The following DGKB variants were observed in gnomAD, a reference collection of about 807,000 sequenced individuals.
The protein encoded by DGKB is 90 kDa diacylglycerol kinase.
A neutral mutation model predicts 114.3 loss-of-function variants in DGKB; 67 were observed. The ratio of observed to expected loss-of-function variants is 0.59; its 90% CI spans 0.48 to 0.72. DGKB has a LOEUF of 0.72. DGKB is among the 30% of genes least tolerant of loss of function. DGKB has a pLI of 0.00. For synonymous variants in DGKB, 398 were observed against 323.1 expected, an observed-to-expected ratio of 1.23 and a Z score of -2.49; for missense variants, 907 against 975.2, an observed-to-expected ratio of 0.93 and a Z score of 0.93.
intron 23 of DGKB, among the ~76,000 whole-genome samples, chr7:14,331,068 ATATT>A (rs1371440933): frequency 1.3e-5 from 2 of 151,962 alleles, no homozygotes; most frequent in Non-Finnish European, 2.9e-5. Context: ...AGCAATTTTG[ATATT>A]TAGTCTTATT....
chr7:14,531,844 A>G (rs958667701), intron 20 of DGKB, among the ~76,000 whole-genome samples: 1 of 151,420 alleles, frequency 6.6e-6, no homozygotes, highest in Non-Finnish European at 1.5e-5. Context: ...ATATAAATAA[A>G]TGAAAAATTA....
intron 21 of DGKB, among the ~76,000 whole-genome samples, chr7:14,352,065 A>G (rs1813545310): frequency 6.6e-6 from 1 of 152,184 alleles, no homozygotes; most frequent in African/African-American, 2.4e-5. Flanking sequence ...ATGACAGATA[A>G]AAATGCTTGT....
At chr7:14,892,133 G>T (rs1487973117) in intron 1 of DGKB, among the ~76,000 whole-genome samples, 1 of 151,224 alleles carries the variant, frequency 6.6e-6, no homozygotes, top group East Asian at 1.9e-4. Context: ...AAAATGAGGT[G>T]GGTCAAGCTA....
chr7:14,640,414 G>A lies in DGKB; in HGVS notation c.1135-10146C>T, dbSNP rs556278453. Among the ~76,000 whole-genome samples, 9 of 152,298 alleles carry A rather than the reference G, an allele frequency of 5.9e-5. No homozygotes were observed. The East Asian group carries it at 1.2e-3, about 20-fold the overall frequency. ...TATTTGTGGTCAAGATAAAATGAGA[G>A]TAATGTAATGAAGAATAGATCACTA... is the stretch of plus-strand genomic sequence containing the variant. On this transcript the variant is annotated intron_variant, in intron 13 of 25. Coordinates refer to ENST00000402815, the MANE Select transcript of DGKB (RefSeq NM_001350709.2).
intron 1 of DGKB, among the ~76,000 whole-genome samples, chr7:14,855,339 T>C (rs1329450598): frequency 1.3e-5 from 2 of 152,178 alleles, no homozygotes; most frequent in African/African-American, 4.8e-5. Flanking sequence ...ACAAAATATA[T>C]ATCCCTTCTA....
intron 2 of DGKB, among the ~76,000 whole-genome samples, chr7:14,798,286 G>C (rs909469666): frequency 1.8e-4 from 28 of 152,100 alleles, no homozygotes; most frequent in Non-Finnish European, 7.4e-5. Flanking sequence ...TGTCTGCCTA[G>C]GAATTTGTCT....
intron 20 of DGKB, among the ~76,000 whole-genome samples, chr7:14,486,361 G>A (rs1017991592): frequency 2.0e-5 from 3 of 152,282 alleles, no homozygotes; most frequent in East Asian, 3.9e-4. Flanking sequence ...AAGTCTGTGG[G>A]AAACCACATA....
chr7:14,800,420 A>C (rs1842003266), intron 2 of DGKB, among the ~76,000 whole-genome samples: 1 of 152,184 alleles, frequency 6.6e-6, no homozygotes, highest in Non-Finnish European at 1.5e-5. Context: ...AAATCTAATC[A>C]GCTGTCAGCA....
At chr7:14,907,471 A>G (rs1783769141), upstream of DGKB, among the ~76,000 whole-genome samples, 1 of 152,208 alleles carries the variant, frequency 6.6e-6, no homozygotes, top group African/African-American at 2.4e-5. Context: ...AGTGGTTGAG[A>G]GAATCAAATA....
At chr7:14,483,485 C>G (rs1296117482) in intron 20 of DGKB, among the ~76,000 whole-genome samples, 1 of 152,044 alleles carries the variant, frequency 6.6e-6, no homozygotes, top group Non-Finnish European at 1.5e-5. Context: ...ACGTAAAGGA[C>G]TGAGCCATTT....
chr7:14,474,698 G>A (rs1267963953), intron 21 of DGKB, among the ~76,000 whole-genome samples: 1 of 151,948 alleles, frequency 6.6e-6, no homozygotes, highest in Non-Finnish European at 1.5e-5. Flanking sequence ...ATAGCACCAT[G>A]AGAAGTATTA....
At chr7:14,552,196 A>C (rs895265804) in intron 20 of DGKB, among the ~76,000 whole-genome samples, 2 of 152,154 alleles carry the variant, frequency 1.3e-5, no homozygotes, top group Non-Finnish European at 2.9e-5. Flanking sequence ...TTTTACCTCC[A>C]ATATACTAGA....
rs570936818 is a variant in DGKB at position 14,243,163 on chromosome 7, A to G, written c.2123-65012T>C. Among the ~76,000 whole-genome samples, 7 of 152,286 alleles carry G rather than the reference A, an allele frequency of 4.6e-5. No homozygotes were observed. The East Asian group carries it at 1.4e-3, about 29-fold the overall frequency. On this transcript the variant is annotated intron_variant, in intron 23 of 25. Transcript: ENST00000402815. ...GAGAGGTAGGAAAAGAAAAAAAAATAGAAAAGGGGAGACTGAAGTGAACAC... is the reference window on the plus strand; with the variant it reads ...GAGAGGTAGGAAAAGAAAAAAAAATGGAAAAGGGGAGACTGAAGTGAACAC...
At chr7:14,667,220 A>T (rs1818196048) in intron 13 of DGKB, among the ~76,000 whole-genome samples, 1 of 151,962 alleles carries the variant, frequency 6.6e-6, no homozygotes, top group Non-Finnish European at 1.5e-5. Context: ...AGGGTGGTAC[A>T]AATTTTTTTT....
chr7:14,310,155 G>C (rs546122399), intron 23 of DGKB, among the ~76,000 whole-genome samples: 1 of 152,084 alleles, frequency 6.6e-6, no homozygotes, highest in Non-Finnish European at 1.5e-5. Flanking sequence ...TAGAAATCCC[G>C]CAAGATAAAT....
chr7:14,355,226 T>C (rs1368418055), intron 21 of DGKB, among the ~76,000 whole-genome samples: 1 of 152,014 alleles, frequency 6.6e-6, no homozygotes, highest in Non-Finnish European at 1.5e-5. Flanking sequence ...AGTCAATCAA[T>C]TGTTTAAGCA....
chr7:14,212,111 T>TA (rs775257337), intron 23 of DGKB, among the ~76,000 whole-genome samples: 8 of 1,922 alleles, frequency 4.2e-3, no homozygotes, highest in African/African-American at 0.014. Context: ...TGTTTTGTGA[T>TA]TTTACTCTCA....
At chr7:14,227,537 A>G (rs1208363259) in intron 23 of DGKB, among the ~76,000 whole-genome samples, 1 of 152,064 alleles carries the variant, frequency 6.6e-6, no homozygotes, top group Non-Finnish European at 1.5e-5. Flanking sequence ...TCTATTTTAT[A>G]TATGGTATAA....
chr7:14,879,123 C>G (rs1853822314), intron 1 of DGKB, among the ~76,000 whole-genome samples: 1 of 151,840 alleles, frequency 6.6e-6, no homozygotes, highest in African/African-American at 2.4e-5. Context: ...TAGCAAAGAA[C>G]TAATGTATAT....
Sources: gnomAD v4.1 joint callset for allele counts (sites outside exome capture counted in the v4.1 genomes callset) on GRCh38, gnomAD v4.1.1 for gene constraint, MANE v1.5 for transcripts, NCBI Gene and HGNC (gene_info 2026-07-23, HGNC 2026-07-21) for gene names.